CRHR1: variants seen among roughly 807,000 people sequenced by gnomAD.
CRHR1 encodes corticotropin-releasing hormone receptor 1.
CRHR1 carries 28 observed loss-of-function variants against 56.0 expected under a neutral mutation model. That is an observed-to-expected ratio of 0.50 (90% CI 0.37 to 0.69). The LOEUF (loss-of-function observed/expected upper bound fraction) is 0.69. Ranked by LOEUF, CRHR1 falls within the 30% of genes least tolerant of loss-of-function variation. The pLI is 0.00. For missense variants in CRHR1, 376 were observed against 548.0 expected (o/e 0.69, Z 3.13); for synonymous variants, 195 against 216.5 (o/e 0.90, Z 0.87).
chr17:45,823,261 A>G (rs2062083673), intron 4 of CRHR1, among the ~76,000 whole-genome samples: 1 of 151,990 alleles, frequency 6.6e-6, no homozygotes, highest in Non-Finnish European at 1.5e-5. Context: ...TGTGTCTTTC[A>G]TGAGTGCCCC....
chr17:45,786,530 A>G (rs1258224061), intron 1 of CRHR1, among the ~76,000 whole-genome samples: 2 of 152,210 alleles, frequency 1.3e-5, no homozygotes, highest in African/African-American at 2.4e-5. Flanking sequence ...CAGAGAGGCT[A>G]AGTAACTGGT....
At chr17:45,825,160 T>TG (rs2062131430) in intron 4 of CRHR1, among the ~76,000 whole-genome samples, 2 of 152,160 alleles carry the variant, frequency 1.3e-5, no homozygotes, top group Non-Finnish European at 2.9e-5. Flanking sequence ...TCCAGCGCCC[T>TG]GGGGTATCGC....
chr17:45,804,193 C>T (rs753304872), intron 1 of CRHR1, among the ~76,000 whole-genome samples: 21 of 152,164 alleles, frequency 1.4e-4, no homozygotes, highest in Non-Finnish European at 2.9e-4. Flanking sequence ...GAGTCCCAGG[C>T]GCGAGTTGGC....
rs573915915 is a variant in CRHR1, at chr17:45,825,569, G to A, written c.328-3646G>A. On this transcript the variant is annotated intron_variant, in intron 4 of 12. Coordinates refer to ENST00000314537, the MANE Select transcript of CRHR1 (RefSeq NM_004382.5). ...TCTGGGGGTCTGGTTTGTGGACCAA[G>A]GTTCACTGCTCACCGTGTGGGGAGA... 14 of 154,684 alleles carry A rather than the reference G, an allele frequency of 9.1e-5. No individual in the cohort carries two copies. In the South Asian group the frequency reaches 2.2e-3, roughly 25 times the overall value. 9.6% of individuals were successfully genotyped at this position (154,684 alleles called of 1,614,324 possible).
chr17:45,786,769 TAGC>T (rs925853576), intron 1 of CRHR1, among the ~76,000 whole-genome samples: 2 of 149,172 alleles, frequency 1.3e-5, no homozygotes, highest in African/African-American at 4.9e-5. Context: ...GCCTCCAGAA[TAGC>T]TGGGACCACA....
At chr17:45,798,590 A>G (rs1378423609) in intron 1 of CRHR1, among the ~76,000 whole-genome samples, 2 of 151,362 alleles carry the variant, frequency 1.3e-5, no homozygotes. Context: ...ACTCAAGCTT[A>G]TAACAGTACA....
In CRHR1 at chr17:45,834,062, G is replaced by A. The variant is rs1420587302; in HGVS notation, c.1107+14G>A. On this transcript the variant is annotated intron_variant, in intron 12 of 12. Transcript: ENST00000314537. ...CTCAATAGTGAGGTGAGGACCCGGG[G>A]GCCCTGCAGCGGGGTTCAGGGCTGT... The A allele has an allele frequency of 8.1e-6, 13 of 1,612,696 alleles. No individual in the cohort carries two copies. Among genetic ancestry groups the A allele is most frequent in the Non-Finnish European group, 1.1e-5 (13 of 1,178,960 alleles).
chr17:45,801,982 G>A (rs748874270), intron 1 of CRHR1, among the ~76,000 whole-genome samples: 7 of 151,878 alleles, frequency 4.6e-5, no homozygotes, highest in East Asian at 1.9e-4. Flanking sequence ...CACACTGCCC[G>A]CTCCCCAGGT....
intron 4 of CRHR1, among the ~76,000 whole-genome samples, chr17:45,827,448 C>A (rs1568065737): frequency 6.6e-6 from 1 of 152,226 alleles, no homozygotes; most frequent in Non-Finnish European, 1.5e-5. Context: ...TATTAAATAC[C>A]AGCTCCAGAC....
intron 10 of CRHR1, 58 bp from the exon 11 acceptor site, chr17:45,833,655 CG>C: frequency 4.4e-6 from 7 of 1,602,672 alleles, no homozygotes; most frequent in Non-Finnish European, 6.0e-6. Context: ...GCCGAGCCAG[CG>C]GGCAGCCCGT....
intron 3 of CRHR1, among the ~76,000 whole-genome samples, chr17:45,817,379 C>A (rs184906321): frequency 6.6e-6 from 1 of 152,252 alleles, no homozygotes; most frequent in Admixed American, 6.5e-5. Flanking sequence ...CCTGTGTGCA[C>A]CCTTGGGTCC....
intron 1 of CRHR1, among the ~76,000 whole-genome samples, chr17:45,795,365 A>G (rs571523500): frequency 2.0e-5 from 3 of 152,178 alleles, no homozygotes; most frequent in Non-Finnish European, 2.9e-5. Flanking sequence ...CAAAGCTGGG[A>G]TGGAGCATTG....
At chr17:45,816,795 C>T (rs891552041) in intron 3 of CRHR1, among the ~76,000 whole-genome samples, 1 of 152,242 alleles carries the variant, frequency 6.6e-6, no homozygotes, top group African/African-American at 2.4e-5. Context: ...CACTATCACG[C>T]CTCCTATAAC....
intron 2 of CRHR1, among the ~76,000 whole-genome samples, chr17:45,815,366 C>T (rs1276909143): frequency 1.3e-5 from 2 of 152,190 alleles, no homozygotes; most frequent in East Asian, 3.9e-4. Flanking sequence ...TATCCACCCT[C>T]CCCTCCTGAA....
intron 4 of CRHR1, among the ~76,000 whole-genome samples, chr17:45,822,832 A>G (rs2062071589): frequency 6.7e-6 from 1 of 150,030 alleles, no homozygotes; most frequent in Non-Finnish European, 1.5e-5. Flanking sequence ...GCCTGGGCAA[A>G]AAGAGCGAAA....
intron 4 of CRHR1, among the ~76,000 whole-genome samples, chr17:45,823,779 C>T (rs1264643275): frequency 6.6e-6 from 1 of 152,238 alleles, no homozygotes; most frequent in Non-Finnish European, 1.5e-5. Context: ...CCACCCCTGG[C>T]TTCCTGGCCT....
chr17:45,804,747 C>T (rs942386031), intron 1 of CRHR1, among the ~76,000 whole-genome samples: 3 of 151,728 alleles, frequency 2.0e-5, no homozygotes, highest in Non-Finnish European at 4.4e-5. Flanking sequence ...GGGAAGATGG[C>T]GCATGAGTGG....
intron 1 of CRHR1, among the ~76,000 whole-genome samples, chr17:45,791,833 T>TTCTCTC (rs71363555): frequency 1.1e-4 from 14 of 127,210 alleles, no homozygotes; most frequent in African/African-American, 2.1e-4. Context: ...CTCTCTCTCT[T>TTCTCTC]TCTCTCTCTC....
At chr17:45,791,475 A>C (rs2061424285) in intron 1 of CRHR1, among the ~76,000 whole-genome samples, 1 of 152,016 alleles carries the variant, frequency 6.6e-6, no homozygotes, top group Non-Finnish European at 1.5e-5. Flanking sequence ...GGGGAGGGAG[A>C]AGAAAAAGAC....
Sources: allele counts gnomAD v4.1 joint callset (sites outside exome capture counted in the v4.1 genomes callset), GRCh38; gene constraint gnomAD v4.1.1; transcripts MANE v1.5; gene names NCBI Gene and HGNC (gene_info 2026-07-23, HGNC 2026-07-21).